The following SPATS2 variants were observed in gnomAD, a reference collection of about 807,000 sequenced individuals.
The protein encoded by SPATS2 is spermatogenesis associated serine rich 2, also known as spermatogenesis-associated serine-rich protein 2.
In SPATS2, 38 loss-of-function variants were observed where a neutral mutation model predicts 63.7. The observed-to-expected ratio is 0.60, with a 90% CI of 0.46 to 0.78. The LOEUF (loss-of-function observed/expected upper bound fraction) is 0.78, where lower values mean the gene tolerates loss of function less well. SPATS2 is among the 30% of genes least tolerant of loss of function. The pLI is 0.00. For synonymous variants in SPATS2, 207 were observed against 232.9 expected, an observed-to-expected ratio of 0.89 and a Z score of 1.01; for missense variants, 588 against 666.2, an observed-to-expected ratio of 0.88 and a Z score of 1.29.
intron 3 of SPATS2, among the ~76,000 whole-genome samples, chr12:49,463,965 A>C (rs1024318347): frequency 2.0e-5 from 3 of 152,234 alleles, no homozygotes; most frequent in Admixed American, 1.3e-4. Context: ...AGCAGAAGTC[A>C]GAGCTGTGCT....
chr12:49,428,633 T>A (rs565240652), intron 2 of SPATS2, among the ~76,000 whole-genome samples: 2 of 152,370 alleles, frequency 1.3e-5, no homozygotes, highest in East Asian at 3.9e-4. Context: ...CTGAATAATA[T>A]TCCATCTTTC....
chr12:49,412,410 G>A (rs1944813246), intron 2 of SPATS2, among the ~76,000 whole-genome samples: 2 of 152,034 alleles, frequency 1.3e-5, no homozygotes, highest in Non-Finnish European at 2.9e-5. Flanking sequence ...GGCCAGGCTG[G>A]TCTTAAACTC....
upstream of SPATS2, chr12:49,367,415 G>A: frequency 2.5e-6 from 1 of 397,914 alleles, no homozygotes; most frequent in Non-Finnish European, 4.4e-6. Flanking sequence ...GCGGCGGTGG[G>A]GGCGGGGCGG....
chr12:49,520,061 C>T (rs1946915166), intron 11 of SPATS2, among the ~76,000 whole-genome samples: 2 of 151,862 alleles, frequency 1.3e-5, no homozygotes, highest in Non-Finnish European at 2.9e-5. Context: ...CTCACCGCAA[C>T]CTCCGCCTCC....
Position 49,526,276 on chromosome 12 carries a change from T to C in SPATS2, c.*21T>C. 1.3e-6 allele frequency: 2 copies of C among 1,585,724 alleles called. No individual in the cohort carries two copies. The highest frequency in any genetic ancestry group is 1.7e-6 in the Non-Finnish European group (2 of 1,166,550). ...CTTGAGAGAAAATCCAGTTGGCCTC[T>C]CTCCTCTATCCACACAATTCAACTT... On this transcript the variant is annotated 3_prime_UTR_variant, in exon 14 of 14. Transcript: ENST00000552918.
rs1045411593 is a variant in SPATS2 at position 49,389,782 on chromosome 12, C to T, written c.-244+18492C>T. Reference sequence around the variant, plus strand: ...CAAGAAAGAAAAGAATTGCGTACATCCCTGGAAGAACATCAGTCGGCCTTG... The same window carrying T: ...CAAGAAAGAAAAGAATTGCGTACATTCCTGGAAGAACATCAGTCGGCCTTG... On this transcript the variant is annotated intron_variant, in intron 2 of 13. Transcript: ENST00000552918. 1.1e-5 allele frequency: 13 copies of T among 1,205,848 alleles called. No homozygotes were observed. The East Asian group carries it at 2.8e-4, about 26-fold the overall frequency. The allele number at this position is 1,205,848 out of a possible 1,614,324, so 74.7% of individuals were successfully genotyped here.
intron 3 of SPATS2, among the ~76,000 whole-genome samples, chr12:49,479,233 A>G (rs1946167252): frequency 6.6e-6 from 1 of 152,228 alleles, no homozygotes; most frequent in Admixed American, 6.5e-5. Flanking sequence ...CTACCCGAGT[A>G]TGCTGGACTA....
At chr12:49,513,166 A>G (rs1421659416) in intron 9 of SPATS2, among the ~76,000 whole-genome samples, 1 of 152,178 alleles carries the variant, frequency 6.6e-6, no homozygotes, top group Non-Finnish European at 1.5e-5. Flanking sequence ...TTGTGCTAAC[A>G]TAACTATGTA....
chr12:49,381,867 T>A (rs1944228676), intron 2 of SPATS2, among the ~76,000 whole-genome samples: 1 of 152,222 alleles, frequency 6.6e-6, no homozygotes, highest in South Asian at 2.1e-4. Context: ...AACTGATGAA[T>A]ATATTCTACC....
chr12:49,494,613 A>T, intron 6 of SPATS2, 128 bp from the exon 7 acceptor site: 1 of 949,592 alleles, frequency 1.1e-6, no homozygotes, highest in Non-Finnish European at 1.5e-6. Flanking sequence ...GAAAATATTA[A>T]ATTTCTGAAA....
chr12:49,367,298 CCG>C (rs1943914218), upstream of SPATS2: 2 of 365,750 alleles, frequency 5.5e-6, no homozygotes, highest in Non-Finnish European at 9.7e-6. Flanking sequence ...GCGCACGCGC[CCG>C]AGAGGGCTCC....
At chr12:49,443,763 T>C (rs1350908694) in intron 2 of SPATS2, among the ~76,000 whole-genome samples, 1 of 152,192 alleles carries the variant, frequency 6.6e-6, no homozygotes, top group African/African-American at 2.4e-5. Flanking sequence ...ATTGAATATC[T>C]CTAGTGCCTT....
chr12:49,496,392 C>T (rs1294959585), intron 7 of SPATS2, among the ~76,000 whole-genome samples: 3 of 152,198 alleles, frequency 2.0e-5, no homozygotes, highest in African/African-American at 7.2e-5. Context: ...GGATTACTGG[C>T]GTGAGCCACT....
intron 2 of SPATS2, among the ~76,000 whole-genome samples, chr12:49,445,728 CCCAGG>C (rs1350076941): frequency 1.3e-5 from 2 of 151,966 alleles, no homozygotes; most frequent in African/African-American, 4.8e-5. Context: ...CACAGTGTTG[CCCAGG>C]CTGGTCAAGA....
chr12:49,462,183 G>C, intron 3 of SPATS2: 1 of 624,332 alleles, frequency 1.6e-6, no homozygotes, highest in Non-Finnish European at 2.9e-6. Context: ...CAGAGCTGTA[G>C]AAAAAAAGTA....
chr12:49,385,218 A>G (rs533060828), intron 2 of SPATS2, among the ~76,000 whole-genome samples: 9 of 151,910 alleles, frequency 5.9e-5, no homozygotes, highest in East Asian at 5.8e-4. Context: ...TCTAGTGGAG[A>G]GGGCAGATAT....
At chr12:49,458,393 A>G (rs999008694) in intron 2 of SPATS2, among the ~76,000 whole-genome samples, 2 of 152,096 alleles carry the variant, frequency 1.3e-5, no homozygotes, top group African/African-American at 4.8e-5. Context: ...GTTTGAACCC[A>G]GGAGGCAAAG....
chr12:49,450,535 C>T (rs777221564), intron 2 of SPATS2, among the ~76,000 whole-genome samples: 3 of 151,212 alleles, frequency 2.0e-5, no homozygotes, highest in Admixed American at 1.3e-4. Context: ...TGAGCCACCG[C>T]GCCTGGCCGA....
At chr12:49,449,375 C>A (rs1945576529) in intron 2 of SPATS2, among the ~76,000 whole-genome samples, 1 of 152,134 alleles carries the variant, frequency 6.6e-6, no homozygotes, top group Non-Finnish European at 1.5e-5. Flanking sequence ...GCCACCACAC[C>A]CAGCTAATTT....
Sources: allele counts gnomAD v4.1 joint callset (sites outside exome capture counted in the v4.1 genomes callset), GRCh38; gene constraint gnomAD v4.1.1; transcripts MANE v1.5; gene names NCBI Gene and HGNC (gene_info 2026-07-23, HGNC 2026-07-21).